PALM2AKAP2: variants seen among roughly 807,000 people sequenced by gnomAD.
PALM2AKAP2 encodes the protein PALM2-AKAP2 fusion protein.
Under a neutral mutation model 71.5 loss-of-function variants are expected in PALM2AKAP2, and 37 were observed. The observed-to-expected ratio is 0.52, with a 90% CI of 0.40 to 0.68. The LOEUF is 0.68. Ranked by LOEUF, PALM2AKAP2 falls within the 30% of genes least tolerant of loss-of-function variation. The pLI is 0.00. For synonymous variants in PALM2AKAP2, 468 were observed against 478.8 expected, an observed-to-expected ratio of 0.98 and a Z score of 0.29; for missense variants, 1,224 against 1,191.8, an observed-to-expected ratio of 1.03 and a Z score of -0.40.
chr9:109,849,565 T>G (rs1426263464), intron 1 of PALM2AKAP2, among the ~76,000 whole-genome samples: 3 of 152,004 alleles, frequency 2.0e-5, no homozygotes, highest in Non-Finnish European at 4.4e-5. Flanking sequence ...CTGGCCAACA[T>G]GGTGAAACTC....
intron 6 of PALM2AKAP2, among the ~76,000 whole-genome samples, chr9:110,014,812 A>G (rs1427047123): frequency 0.022 from 452 of 20,870 alleles, 35 homozygotes; most frequent in African/African-American, 0.068. Context: ...AAATGTATAT[A>G]TATATATATA....
intron 1 of PALM2AKAP2, chr9:109,867,260 G>T (rs1279444711): frequency 4.5e-6 from 2 of 441,868 alleles, no homozygotes; most frequent in African/African-American, 2.1e-5. Flanking sequence ...TTGCAGCCTG[G>T]CTGAGTGAGG....
intron 6 of PALM2AKAP2, among the ~76,000 whole-genome samples, chr9:109,988,901 A>G (rs1343192756): frequency 6.6e-6 from 1 of 152,128 alleles, no homozygotes; most frequent in Non-Finnish European, 1.5e-5. Context: ...CGTGTTAGTG[A>G]ATAAGTCTCA....
chr9:109,733,330 TCTTG>T (rs906603502), intron 1 of PALM2AKAP2, among the ~76,000 whole-genome samples: 1 of 152,204 alleles, frequency 6.6e-6, no homozygotes, highest in African/African-American at 2.4e-5. Flanking sequence ...TAATGAGAGC[TCTTG>T]CCTCTATCTC....
intron 3 of PALM2AKAP2, among the ~76,000 whole-genome samples, chr9:109,921,237 A>G (rs376405450): frequency 9.9e-5 from 15 of 152,214 alleles, no homozygotes; most frequent in African/African-American, 1.2e-4. Context: ...AATTCATTCA[A>G]TGTAGGTGTA....
At chr9:109,826,539 T>G (rs1828155952) in intron 1 of PALM2AKAP2, among the ~76,000 whole-genome samples, 1 of 152,190 alleles carries the variant, frequency 6.6e-6, no homozygotes, top group East Asian at 1.9e-4. Flanking sequence ...GATGCTAGTA[T>G]TTTATTATGT....
rs115091287 is a variant in PALM2AKAP2 at position 109,957,388 on chromosome 9, G to A, written c.496+25360G>A. Reference sequence around the variant, plus strand: ...TTAGCCTTTGTTCTGCCTCCTGGGCGTTAGCAAGCTGACTCCCGCACAGAA... The same window carrying A: ...TTAGCCTTTGTTCTGCCTCCTGGGCATTAGCAAGCTGACTCCCGCACAGAA... On this transcript the variant is annotated intron_variant, in intron 6 of 9. Transcript: ENST00000302798. 5.2e-3 allele frequency among the ~76,000 whole-genome samples: 789 copies of A among 152,300 alleles called. 5 individuals are homozygous for A. Among genetic ancestry groups the A allele is most frequent in the African/African-American group, 0.018 (752 of 41,562 alleles).
At chr9:109,724,783 G>A (rs1377357751) in intron 1 of PALM2AKAP2, among the ~76,000 whole-genome samples, 3 of 152,184 alleles carry the variant, frequency 2.0e-5, no homozygotes, top group Non-Finnish European at 2.9e-5. Flanking sequence ...CATCCAGGCT[G>A]TCTGACTCAA....
intron 3 of PALM2AKAP2, among the ~76,000 whole-genome samples, chr9:109,910,161 T>C (rs1830536826): frequency 6.6e-6 from 1 of 152,216 alleles, no homozygotes. Flanking sequence ...ATGTACGTGA[T>C]GATAGTAAGC....
chr9:109,867,160 T>TTCTC (rs376077604), intron 1 of PALM2AKAP2: 358 of 396,780 alleles, frequency 9.0e-4, no homozygotes, highest in African/African-American at 3.3e-3. Context: ...CAGAACATGG[T>TTCTC]TCTCTGTGTG....
chr9:109,941,409 A>G (rs1321479032), intron 6 of PALM2AKAP2, among the ~76,000 whole-genome samples: 1 of 152,192 alleles, frequency 6.6e-6, no homozygotes, highest in African/African-American at 2.4e-5. Flanking sequence ...TATCTGAAGT[A>G]GAATGATTTA....
intron 1 of PALM2AKAP2, among the ~76,000 whole-genome samples, chr9:109,858,486 A>T (rs955449190): frequency 2.0e-5 from 3 of 152,052 alleles, no homozygotes; most frequent in African/African-American, 7.2e-5. Context: ...CAGGCTGGGG[A>T]TCCAAGGCCC....
chr9:109,923,659 A>G lies in PALM2AKAP2; in HGVS notation c.258-76A>G, dbSNP rs915084193. The G allele has an allele frequency of 4.1e-6, 6 of 1,464,934 alleles. No individual in the cohort carries two copies. In the African/African-American group the frequency reaches 8.7e-5, roughly 21 times the overall value. 90.7% of individuals were successfully genotyped at this position (1,464,934 alleles called of 1,614,324 possible). ...CTGCCAGGAAGGTACAAATCGCCCAACAGGAAGGAGCTGCTCTCTTGCCCG... is the reference window on the plus strand; with the variant it reads ...CTGCCAGGAAGGTACAAATCGCCCAGCAGGAAGGAGCTGCTCTCTTGCCCG... On this transcript the variant is annotated intron_variant, in intron 3 of 9. Transcript: ENST00000302798.
chr9:109,648,165 C>CT lies in PALM2AKAP2; in HGVS notation c.5+7301dup, dbSNP rs148754341. On this transcript the variant is annotated intron_variant, in intron 1 of 6. Transcript: ENST00000374531. ...GCCATGTAAGACGTGCCTGCTTCCCCTTCCACCATGATTGTAAGTTTCCTG... is the reference window on the plus strand; with the variant it reads ...GCCATGTAAGACGTGCCTGCTTCCCCTTTCCACCATGATTGTAAGTTTCCTG... Among the ~76,000 whole-genome samples the CT allele has an allele frequency of 5.8e-3, 876 of 152,264 alleles. 16 individuals are homozygous for CT. Among genetic ancestry groups the CT allele is most frequent in the East Asian group, 0.036 (187 of 5,180 alleles).
At chr9:109,750,570 A>AAGTGTGTGTGTGTGTGTGTGTG (rs746154004) in intron 1 of PALM2AKAP2, among the ~76,000 whole-genome samples, 11 of 97,764 alleles carry the variant, frequency 1.1e-4, no homozygotes, top group African/African-American at 4.4e-4. Context: ...CTGCCCTAGG[A>AAGTGTGTGTGTGTGTGTGTGTG]CGTGTGTGTG....
At chr9:109,726,702 A>T (rs192559733) in intron 1 of PALM2AKAP2, among the ~76,000 whole-genome samples, 7 of 152,314 alleles carry the variant, frequency 4.6e-5, no homozygotes, top group African/African-American at 1.7e-4. Context: ...CCAAAGAAAA[A>T]CAAGTGTATA....
In PALM2AKAP2 at chr9:109,701,879, A is replaced by G. The variant is rs574302104; in HGVS notation, c.5+61013A>G. Among the ~76,000 whole-genome samples the G allele has an allele frequency of 3.2e-3, 494 of 152,322 alleles. 1 individual carries two copies. The highest frequency in any genetic ancestry group is 6.8e-3 in the Middle Eastern group (2 of 294). ...GGGCTAATATCCAGAATCTACAATG[A>G]ACTCAAACAAATTTACAAGAAAAAA... On this transcript the variant is annotated intron_variant, in intron 1 of 6. Transcript: ENST00000374531.
At chr9:110,048,837 C>G in exon 1 of PALM2AKAP2, 2 of 1,530,018 alleles carry the variant, frequency 1.3e-6, no homozygotes, top group East Asian at 2.5e-5. Flanking sequence ...ACTGCGCCCC[C>G]GGGAGCGGGC....
At chr9:110,135,580 G>T (rs2119095657) in intron 1 of PALM2AKAP2, among the ~76,000 whole-genome samples, 1 of 152,238 alleles carries the variant, frequency 6.6e-6, no homozygotes, top group South Asian at 2.1e-4. Context: ...TTTGGTGATG[G>T]TGTTCATAAG....
Sources: gnomAD v4.1 joint callset for allele counts (sites outside exome capture counted in the v4.1 genomes callset) on GRCh38, gnomAD v4.1.1 for gene constraint, MANE v1.5 for transcripts, NCBI Gene and HGNC (gene_info 2026-07-23, HGNC 2026-07-21) for gene names.